LPIN1: variants seen among roughly 807,000 people sequenced by gnomAD.
LPIN1 encodes the protein phosphatidate phosphatase LPIN1.
LPIN1 carries 71 observed loss-of-function variants against 107.5 expected under a neutral mutation model. The ratio of observed to expected loss-of-function variants is 0.66; its 90% CI spans 0.55 to 0.80. The LOEUF (loss-of-function observed/expected upper bound fraction) is 0.80. LPIN1 is among the 30% of genes least tolerant of loss of function. The probability of loss-of-function intolerance (pLI) is 0.00; values close to 1 mark genes in which losing one functional copy is unlikely to be tolerated. For synonymous variants in LPIN1, 445 were observed against 452.6 expected (o/e 0.98, Z 0.21); for missense variants, 1,043 against 1,160.6 (o/e 0.90, Z 1.47).
Position 11,765,430 on chromosome 2 carries a change from A to G in LPIN1, c.-9-103A>G. ...CGGAAATGAGAGGAGCTGAAAGTTG[A>G]GTGTGTAATCCACGTTTTTGAAATG... On this transcript the variant is annotated intron_variant, in intron 1 of 20. Transcript: ENST00000674199. The surrounding 1 kb of genome is among the most constrained non-coding windows in gnomAD (Gnocchi z 4.4). 1 of 1,070,388 alleles carries G rather than the reference A, an allele frequency of 9.3e-7. No individual in the cohort carries two copies. The highest frequency in any genetic ancestry group is 1.4e-6 in the Non-Finnish European group (1 of 722,930). 66.3% of individuals were successfully genotyped at this position (1,070,388 alleles called of 1,614,324 possible).
intron 1 of LPIN1, among the ~76,000 whole-genome samples, chr2:11,756,755 A>T (rs1558814022): frequency 1.3e-5 from 2 of 152,230 alleles, no homozygotes; most frequent in Non-Finnish European, 2.9e-5. Flanking sequence ...TTAATGTCAT[A>T]GGTAGAATTC....
chr2:11,696,563 T>C (rs759416902), intron 1 of LPIN1, among the ~76,000 whole-genome samples: 1 of 152,096 alleles, frequency 6.6e-6, no homozygotes, highest in Non-Finnish European at 1.5e-5. Flanking sequence ...GCCAGAGAAT[T>C]GGGTCCCGGT....
intron 16 of LPIN1, among the ~76,000 whole-genome samples, chr2:11,804,816 G>A (rs1196692317): frequency 6.6e-6 from 1 of 152,068 alleles, no homozygotes; most frequent in Admixed American, 6.5e-5. Context: ...TCTCAAGAAC[G>A]TCTTTTTGAA....
In LPIN1 at chr2:11,815,127, C is replaced by T. The variant is rs762090629; in HGVS notation, c.2289C>T (p.Ile763=). Residue 763 remains isoleucine, a synonymous_variant, in exon 18 of 21, where the codon ATC becomes ATT. Coordinates refer to ENST00000674199, the MANE Select transcript of LPIN1 (RefSeq NM_001349206.2). ...TTCTCTACTGTTCTGCCCGTGCCATCGGGATGGCGGACATGACGCGGGGCT... is the reference window on the plus strand; with the variant it reads ...TTCTCTACTGTTCTGCCCGTGCCATTGGGATGGCGGACATGACGCGGGGCT... ...YKFLYCSARA[I]GMADMTRGYL... 8.1e-6 allele frequency: 13 copies of T among 1,614,090 alleles called. No homozygotes were observed. The Admixed American group carries it at 8.3e-5, about 10-fold the overall frequency.
chr2:11,752,973 G>A (rs1668084807), intron 1 of LPIN1, among the ~76,000 whole-genome samples: 2 of 152,194 alleles, frequency 1.3e-5, no homozygotes, highest in African/African-American at 4.8e-5. Flanking sequence ...GACAGTGTCC[G>A]CAGTGCTGTC....
upstream of LPIN1, among the ~76,000 whole-genome samples, chr2:11,723,083 C>T (rs1429932376): frequency 6.6e-6 from 1 of 152,202 alleles, no homozygotes; most frequent in African/African-American, 2.4e-5. Flanking sequence ...AATCTCTTCC[C>T]TGTAAGAATT....
At chr2:11,812,813 G>T (rs773902293) in intron 17 of LPIN1, among the ~76,000 whole-genome samples, 1 of 152,192 alleles carries the variant, frequency 6.6e-6, no homozygotes, top group African/African-American at 2.4e-5. Context: ...AGAGCACCAC[G>T]TGGAGTCGGG....
upstream of LPIN1, among the ~76,000 whole-genome samples, chr2:11,721,193 T>C (rs1037480677): frequency 2.6e-5 from 4 of 151,982 alleles, no homozygotes; most frequent in African/African-American, 9.7e-5. Context: ...ATGATATCAA[T>C]ATCCCTTGAG....
At chr2:11,824,353 CT>C (rs1682071069) in intron 20 of LPIN1, among the ~76,000 whole-genome samples, 1 of 151,460 alleles carries the variant, frequency 6.6e-6, no homozygotes, top group Admixed American at 6.6e-5. Context: ...CTCCTGCCGT[CT>C]TTTGCTTGGC....
intron 5 of LPIN1, 43 bp downstream of exon 5, chr2:11,773,788 A>C (rs975509858): frequency 6.2e-7 from 1 of 1,607,250 alleles, no homozygotes; most frequent in African/African-American, 1.3e-5. Context: ...AGAGGCTTAG[A>C]AGTCAGTGAT....
At chr2:11,789,359 G>T (rs991632633) in intron 12 of LPIN1, among the ~76,000 whole-genome samples, 1 of 152,126 alleles carries the variant, frequency 6.6e-6, no homozygotes, top group African/African-American at 2.4e-5. Context: ...TTGCATGCGT[G>T]TGTGTGCGCA....
chr2:11,721,454 C>A (rs1037554957), upstream of LPIN1, among the ~76,000 whole-genome samples: 5 of 152,070 alleles, frequency 3.3e-5, no homozygotes, highest in Non-Finnish European at 5.9e-5. Context: ...CCCCAGGTGA[C>A]TTGTGCAGGG....
At chr2:11,700,884 C>T (rs1410808885) in intron 1 of LPIN1, among the ~76,000 whole-genome samples, 1 of 152,182 alleles carries the variant, frequency 6.6e-6, no homozygotes, top group Non-Finnish European at 1.5e-5. Flanking sequence ...TGCCTAGGCT[C>T]CCAGACAGCT....
At chr2:11,783,974 CTG>C (rs1390538115) in intron 9 of LPIN1, 52 bp downstream of exon 9, 16 of 1,612,598 alleles carry the variant, frequency 9.9e-6, no homozygotes, top group African/African-American at 2.7e-5. Flanking sequence ...GAATATCATT[CTG>C]TGTGAGACCA....
chr2:11,709,359 T>C (rs533606100), intron 1 of LPIN1, among the ~76,000 whole-genome samples: 2 of 152,336 alleles, frequency 1.3e-5, no homozygotes, highest in South Asian at 4.2e-4. Context: ...CTCCGTTAGA[T>C]GGAAAAACTG....
At chr2:11,773,080 G>A (rs1433824177) in intron 4 of LPIN1, among the ~76,000 whole-genome samples, 1 of 152,220 alleles carries the variant, frequency 6.6e-6, no homozygotes, top group Non-Finnish European at 1.5e-5. Context: ...GATTGAAATT[G>A]TGAATTGTAT....
chr2:11,815,704 A>G (rs1680466576), intron 18 of LPIN1, among the ~76,000 whole-genome samples: 1 of 151,914 alleles, frequency 6.6e-6, no homozygotes, highest in African/African-American at 2.4e-5. Context: ...GCGAACCACC[A>G]TCATTCACCT....
intron 14 of LPIN1, among the ~76,000 whole-genome samples, chr2:11,800,643 C>T (rs1181316578): frequency 1.3e-5 from 2 of 152,006 alleles, no homozygotes; most frequent in Non-Finnish European, 2.9e-5. Context: ...TAAATGAACA[C>T]TTATGGGGTC....
At chr2:11,720,182 G>A (rs1438371268), upstream of LPIN1, among the ~76,000 whole-genome samples, 1 of 152,014 alleles carries the variant, frequency 6.6e-6, no homozygotes, top group African/African-American at 2.4e-5. Flanking sequence ...TTTAACACCA[G>A]TATCTGCCTA....
Sources: gnomAD v4.1 joint callset for allele counts (sites outside exome capture counted in the v4.1 genomes callset) on GRCh38, gnomAD v4.1.1 for gene constraint, Gnocchi (gnomAD v3.1) non-coding constraint, MANE v1.5 for transcripts, NCBI Gene and HGNC (gene_info 2026-07-23, HGNC 2026-07-21) for gene names.